The following SATB1 variants were observed in gnomAD, a reference collection of about 807,000 sequenced individuals.
The protein encoded by SATB1 is DNA-binding protein SATB1.
Under a neutral mutation model 86.9 loss-of-function variants are expected in SATB1, and 11 were observed. The ratio of observed to expected loss-of-function variants is 0.13; its 90% CI spans 0.08 to 0.21. The LOEUF (loss-of-function observed/expected upper bound fraction) is 0.21, where lower values mean the gene tolerates loss of function less well. SATB1 is among the 10% of genes least tolerant of loss of function. The pLI is 1.00. For synonymous variants in SATB1, 357 were observed against 357.2 expected, an observed-to-expected ratio of 1.00 and a Z score of 0.01; for missense variants, 551 against 937.6, an observed-to-expected ratio of 0.59 and a Z score of 5.39.
chr3:18,393,526 A>G lies in SATB1; in HGVS notation c.1206+936T>C, dbSNP rs561213202. Among the ~76,000 whole-genome samples the G allele has an allele frequency of 3.9e-5, 6 of 152,244 alleles. No homozygotes were observed. The East Asian group carries it at 1.2e-3, about 29-fold the overall frequency. Reference sequence around the variant, plus strand: ...CTCTCATATATATCACTTTTTCTCCATGACCCTCTTAAACATCTTCCAGGC... The same window carrying G: ...CTCTCATATATATCACTTTTTCTCCGTGACCCTCTTAAACATCTTCCAGGC... On this transcript the variant is annotated intron_variant, in intron 7 of 10. Transcript: ENST00000338745.
In SATB1 at chr3:18,386,407, G is replaced by A; in HGVS notation, c.1411C>T (p.Pro471Ser). ...GGAAAAGGAGACCGCACCTGGGGAG[G>A]ACGGCTGGGTGGTGTGCTGATGAGG... The part of the protein sequence containing the change: ...APLISTPPSR[P>S]PQVKTATIAT... The change falls in exon 8 of 11, where the codon CCT (proline) becomes TCT (serine). Residue 471 changes from proline to serine, a missense_variant. Physicochemically the swap from Pro to Ser is moderately conservative, Grantham distance 74. Around this residue, in one of 8 missense-constraint regions of SATB1, gnomAD observed 110 missense variants for 212.2 expected, o/e 0.52. Transcript: ENST00000338745. This position sits in a 1 kb window ranked among gnomAD's most constrained non-coding sequence, Gnocchi z 4.5. The A allele has an allele frequency of 6.2e-7, 1 of 1,613,378 alleles. No homozygotes were observed. The highest frequency in any genetic ancestry group is 8.5e-7 in the Non-Finnish European group (1 of 1,179,730).
Position 18,378,000 on chromosome 3 carries a change from G to A in SATB1, c.1575+170C>T, listed in dbSNP as rs148208105. On this transcript the variant is annotated intron_variant, in intron 9 of 10. Transcript: ENST00000338745. ...TGGCTATTGGAAAAAACAAAACTAA[G>A]TGCCTATAACCTGAATTTGAATATT... Among the ~76,000 whole-genome samples the A allele has an allele frequency of 9.5e-4, 145 of 152,208 alleles. 1 individual carries two copies. Among genetic ancestry groups the A allele is most frequent in the African/African-American group, 3.4e-3 (140 of 41,536 alleles).
intron 1 of SATB1, chr3:18,445,104 C>T (rs1445571612): frequency 1.7e-6 from 1 of 597,154 alleles, no homozygotes; most frequent in African/African-American, 2.0e-5. Flanking sequence ...CACGCTGCGC[C>T]CGGGGGCTCG....
In SATB1 at chr3:18,387,395, T is replaced by A. The variant is rs1696398546; in HGVS notation, c.1207-784A>T. Among the ~76,000 whole-genome samples the A allele has an allele frequency of 2.0e-5, 3 of 152,212 alleles. No individual in the cohort carries two copies. The South Asian group carries it at 6.2e-4, about 32-fold the overall frequency. ...AAAAGAGTATCAAATTCTGTAATTA[T>A]CAAATTTCTTGGGGAATAAAAATTG... On this transcript the variant is annotated intron_variant, in intron 7 of 10. Transcript: ENST00000338745.
chr3:18,444,263 G>T lies in SATB1; in HGVS notation c.-25+1255C>A, dbSNP rs181685016. 2.0e-5 allele frequency among the ~76,000 whole-genome samples: 3 copies of T among 152,144 alleles called. No individual in the cohort carries two copies. Among genetic ancestry groups the T allele is most frequent in the Admixed American group, 6.5e-5 (1 of 15,282 alleles). ...TCCACTCCCCTTTCCTTTTCTAAAA[G>T]GGGCCATACCGGTGACCTGAAGGAG... is the stretch of plus-strand genomic sequence containing the variant. On this transcript the variant is annotated intron_variant, in intron 1 of 3. Coordinates refer to the SATB1 transcript ENST00000415069. The surrounding 1 kb of genome is among the most constrained non-coding windows in gnomAD (Gnocchi z 5.1).
rs936436648 is a variant in SATB1 at position 18,348,815 on chromosome 3, T to C, written c.*355A>G. ...GAAATAATTATAGGAGAGGAAATCA[T>C]AATCACAGAAGGTATAATGCTTGTT... On this transcript the variant is annotated 3_prime_UTR_variant, in exon 11 of 11. Coordinates refer to ENST00000338745, the MANE Select transcript of SATB1 (RefSeq NM_002971.6). The C allele has an allele frequency of 5.3e-5, 11 of 206,488 alleles. No individual in the cohort carries two copies. The highest frequency in any genetic ancestry group is 2.6e-4 in the Admixed American group (5 of 18,906). 12.8% of individuals were successfully genotyped at this position (206,488 alleles called of 1,614,324 possible).
At chr3:18,393,037 C>G (rs918719730) in intron 7 of SATB1, among the ~76,000 whole-genome samples, 1 of 151,492 alleles carries the variant, frequency 6.6e-6, no homozygotes. Context: ...GTCAGGTCTC[C>G]TAACTCCCCA....
intron 8 of SATB1, among the ~76,000 whole-genome samples, chr3:18,383,552 C>A (rs181886703): frequency 6.6e-6 from 1 of 152,142 alleles, no homozygotes; most frequent in African/African-American, 2.4e-5. Context: ...TGTTTCAAAT[C>A]TCCTCATTTT....
At chr3:18,377,410 A>G (rs1695817387) in intron 9 of SATB1, among the ~76,000 whole-genome samples, 1 of 152,194 alleles carries the variant, frequency 6.6e-6, no homozygotes, top group Non-Finnish European at 1.5e-5. Context: ...AGAAGGGTTT[A>G]TAGATAACTA....
chr3:18,415,342 T>G, intron 4 of SATB1, 108 bp from the exon 5 acceptor site: 1 of 1,258,980 alleles, frequency 7.9e-7, no homozygotes, highest in Non-Finnish European at 1.1e-6. Flanking sequence ...CAGATGCATC[T>G]GGAGATTGCT....
At chr3:18,427,016 A>C (rs1307667035), upstream of SATB1, among the ~76,000 whole-genome samples, 1 of 152,224 alleles carries the variant, frequency 6.6e-6, no homozygotes, top group Non-Finnish European at 1.5e-5. Context: ...GGCAACCGTG[A>C]ATCTTGGCAC....
chr3:18,385,105 G>C (rs931436750), intron 8 of SATB1, among the ~76,000 whole-genome samples: 2 of 152,068 alleles, frequency 1.3e-5, no homozygotes. Flanking sequence ...AGTATCCGTA[G>C]TACTTTCACT....
chr3:18,416,837 C>A, intron 3 of SATB1, 65 bp downstream of exon 3: 1 of 1,413,196 alleles, frequency 7.1e-7, no homozygotes, highest in Non-Finnish European at 9.6e-7. Context: ...ATATTCAGTG[C>A]TTTCTCTGCA....
At chr3:18,418,114 C>A (rs1243727357) in intron 2 of SATB1, among the ~76,000 whole-genome samples, 1 of 152,124 alleles carries the variant, frequency 6.6e-6, no homozygotes, top group Non-Finnish European at 1.5e-5. Flanking sequence ...AGAAGGGTAT[C>A]ATCTTTAGCA....
chr3:18,431,708 T>C (rs922756095), intron 2 of SATB1, among the ~76,000 whole-genome samples: 4 of 152,014 alleles, frequency 2.6e-5, no homozygotes, highest in Non-Finnish European at 4.4e-5. Context: ...CTGGAGTCAC[T>C]TGGAAAAGCT....
At chr3:18,362,722 C>G (rs979012916) in intron 9 of SATB1, among the ~76,000 whole-genome samples, 1 of 151,572 alleles carries the variant, frequency 6.6e-6, no homozygotes, top group African/African-American at 2.4e-5. Context: ...AGTATGTGCT[C>G]TCATATTGCA....
Position 18,394,568 on chromosome 3 carries a change from G to C in SATB1, c.1100C>G (p.Thr367Ser), listed in dbSNP as rs1011570599. The C allele has an allele frequency of 1.9e-6, 3 of 1,614,132 alleles. No individual in the cohort carries two copies. Among genetic ancestry groups the C allele is most frequent in the Middle Eastern group, 3.3e-4 (2 of 6,062 alleles). ...GATTTCGGAAGACACCTCTGTGTTG[G>C]TCGAAACCTGTTGCTCCAAAGGCTT... is the stretch of plus-strand genomic sequence containing the variant. ...MNKPLEQQVS[T>S]NTEVSSEIYQ... The change falls in exon 7 of 11, where the codon ACC becomes AGC. Residue 367 changes from threonine (T) to serine (S), a missense_variant. Physicochemically the swap from Thr to Ser is moderately conservative, Grantham distance 58. This residue lies in a region of SATB1 where 119 missense variants were observed against 171.1 expected (regional missense o/e 0.70). Coordinates refer to ENST00000338745, the MANE Select transcript of SATB1 (RefSeq NM_002971.6). The surrounding 1 kb of genome is among the most constrained non-coding windows in gnomAD (Gnocchi z 5.9).
At position 18,444,448 on chromosome 3, in the gene SATB1, GT is replaced by G. The variant is rs1413739694; in HGVS notation, c.-25+1069del. On this transcript the variant is annotated intron_variant, in intron 1 of 3. Transcript: ENST00000415069. This position sits in a 1 kb window ranked among gnomAD's most constrained non-coding sequence, Gnocchi z 5.1. ...CGTGAGAAAAGGGGCTCGGAAGACC[GT>G]TGAAGCCCTGCGCCCACGAGAGGGG... Among the ~76,000 whole-genome samples, 3 of 152,120 alleles carry G rather than the reference GT, an allele frequency of 2.0e-5. No homozygotes were observed. In the East Asian group the frequency reaches 5.8e-4, roughly 30 times the overall value.
intron 7 of SATB1, among the ~76,000 whole-genome samples, chr3:18,389,614 T>C (rs868046089): frequency 1.3e-5 from 2 of 152,112 alleles, no homozygotes; most frequent in Middle Eastern, 3.2e-3. Context: ...CGTGACCTTT[T>C]ACCAAAAATT....
Sources: allele counts gnomAD v4.1 joint callset (sites outside exome capture counted in the v4.1 genomes callset), GRCh38; gene constraint gnomAD v4.1.1; regional missense constraint gnomAD v4.1.1; non-coding constraint Gnocchi (gnomAD v3.1); transcripts MANE v1.5; gene names NCBI Gene and HGNC (gene_info 2026-07-23, HGNC 2026-07-21).